ABLIM2: variants seen among roughly 807,000 people sequenced by gnomAD.
ABLIM2 encodes actin binding LIM protein family member 2.
In ABLIM2, 53 loss-of-function variants were observed where a neutral mutation model predicts 97.7. That is an observed-to-expected ratio of 0.54 (90% CI 0.44 to 0.68). ABLIM2 has a LOEUF of 0.68. Among genes scored for constraint, ABLIM2 ranks in the 30% least tolerant of loss-of-function variants. The pLI is 0.00. For missense variants in ABLIM2, 835 were observed against 867.2 expected (o/e 0.96, Z 0.47); for synonymous variants, 361 against 345.8 (o/e 1.04, Z -0.49).
intron 7 of ABLIM2, 73 bp downstream of exon 7, chr4:8,060,894 C>A (rs1802549880): frequency 3.2e-6 from 4 of 1,267,556 alleles, no homozygotes; most frequent in Non-Finnish European, 2.2e-6. Context: ...CTGTTCACAC[C>A]CAGCATGTGT....
intron 16 of ABLIM2, chr4:8,007,115 T>C (rs896303511): frequency 3.0e-6 from 3 of 985,484 alleles, no homozygotes; most frequent in Non-Finnish European, 3.6e-6. Flanking sequence ...ACTTTTCTAC[T>C]TTCATTGTTA....
intron 17 of ABLIM2, among the ~76,000 whole-genome samples, chr4:7,985,506 G>A (rs145719447): frequency 4.6e-5 from 7 of 152,274 alleles, no homozygotes; most frequent in African/African-American, 7.2e-5. Flanking sequence ...GCGGACGCAC[G>A]TGGCTGTGCG....
rs112536542 is a variant in ABLIM2, at chr4:8,003,614, G to A, written c.1618+4445C>T. Among the ~76,000 whole-genome samples, 497 of 146,250 alleles carry A rather than the reference G, an allele frequency of 3.4e-3. 4 individuals carry two copies. Among genetic ancestry groups the A allele is most frequent in the African/African-American group, 0.012 (471 of 39,292 alleles). ...GGAGTCTCGCTCTGTCGCCCAGGCT[G>A]GAGTGCAATGGTGCAATCTCGGCTT... On this transcript the variant is annotated intron_variant, in intron 16 of 20. Coordinates refer to ENST00000447017, the MANE Select transcript of ABLIM2 (RefSeq NM_001130083.2). The surrounding 1 kb of genome is among the most constrained non-coding windows in gnomAD (Gnocchi z 4.2).
intron 1 of ABLIM2, among the ~76,000 whole-genome samples, chr4:8,129,486 T>G (rs2152928681): frequency 6.6e-6 from 1 of 152,366 alleles, no homozygotes; most frequent in Non-Finnish European, 1.5e-5. Flanking sequence ...GGCCAGTAGC[T>G]ACCATATTGT....
intron 1 of ABLIM2, among the ~76,000 whole-genome samples, chr4:8,151,622 A>G (rs1221816130): frequency 6.6e-6 from 1 of 152,090 alleles, no homozygotes; most frequent in African/African-American, 2.4e-5. Context: ...ACACCCAAAC[A>G]GTGGGCGGGG....
Position 8,019,799 on chromosome 4 carries a change from G to T in ABLIM2, c.1370-128C>A. 1 of 924,156 alleles carries T rather than the reference G, an allele frequency of 1.1e-6. No homozygotes were observed. Among genetic ancestry groups the T allele is most frequent in the Non-Finnish European group, 1.7e-6 (1 of 603,740 alleles). 57.2% of individuals were successfully genotyped at this position (924,156 alleles called of 1,614,324 possible). The stretch of plus-strand genomic sequence containing the variant: ...GATTTAGAATCATCAGGCAGGAACT[G>T]GCACCCAGCGAGCGACAGACACCCA... On this transcript the variant is annotated intron_variant, in intron 13 of 20. Coordinates refer to ENST00000447017, the MANE Select transcript of ABLIM2 (RefSeq NM_001130083.2). The surrounding 1 kb of genome is among the most constrained non-coding windows in gnomAD (Gnocchi z 4.3).
chr4:8,008,839 A>G (rs1235953649), intron 15 of ABLIM2, among the ~76,000 whole-genome samples: 2 of 152,166 alleles, frequency 1.3e-5, no homozygotes, highest in Non-Finnish European at 1.5e-5. Context: ...ACCAAGTCAC[A>G]CGGGCATATA....
intron 16 of ABLIM2, among the ~76,000 whole-genome samples, chr4:7,994,754 GCACCTGTTGTTTCCT>G (rs1578170681): frequency 8.6e-6 from 1 of 116,696 alleles, no homozygotes; most frequent in Admixed American, 9.1e-5. Flanking sequence ...ATCCTCTCCA[GCACCTGTTGTTTCCT>G]GACTTCATGT....
At chr4:8,133,239 T>A (rs937567185) in intron 1 of ABLIM2, among the ~76,000 whole-genome samples, 1 of 152,214 alleles carries the variant, frequency 6.6e-6, no homozygotes. Flanking sequence ...CATCCCGCAA[T>A]GACCCTACCA....
Position 8,083,764 on chromosome 4 carries a change from C to A in ABLIM2, c.455-2962G>T, listed in dbSNP as rs538126410. Among the ~76,000 whole-genome samples the A allele has an allele frequency of 2.0e-5, 3 of 152,318 alleles. No homozygotes were observed. The highest frequency in any genetic ancestry group is 4.1e-4 in the South Asian group (2 of 4,830). ...GATGTCCCTAGCAGGGCAGAAGGGGCCCCAGGACCCCCCAATGTCAGCTGG... is the reference window on the plus strand; with the variant it reads ...GATGTCCCTAGCAGGGCAGAAGGGGACCCAGGACCCCCCAATGTCAGCTGG... On this transcript the variant is annotated intron_variant, in intron 4 of 20. Coordinates refer to ENST00000447017, the MANE Select transcript of ABLIM2 (RefSeq NM_001130083.2). The surrounding 1 kb of genome is among the most constrained non-coding windows in gnomAD (Gnocchi z 4.6).
intron 7 of ABLIM2, among the ~76,000 whole-genome samples, chr4:8,055,435 G>C (rs1386962892): frequency 6.7e-6 from 1 of 149,766 alleles, no homozygotes; most frequent in Admixed American, 6.6e-5. Flanking sequence ...CGAGGGGCTG[G>C]CACTGCACTC....
rs13112032 is a variant in ABLIM2, at chr4:8,001,085, C to T, written c.1618+6974G>A. ...TGGAGGCTGTGGCACTGCACAGGTT[C>T]GGGTCCCCTCTCTGAGCCTTGGTGT... On this transcript the variant is annotated intron_variant, in intron 16 of 20. Transcript: ENST00000447017. The surrounding 1 kb of genome is among the most constrained non-coding windows in gnomAD (Gnocchi z 4.2). 1.6e-4 allele frequency among the ~76,000 whole-genome samples: 24 copies of T among 152,194 alleles called. No homozygotes were observed. Among genetic ancestry groups the T allele is most frequent in the African/African-American group, 5.3e-4 (22 of 41,442 alleles).
rs149554138 is a variant in ABLIM2 at position 8,071,467 on chromosome 4, G to A, written c.675+6161C>T. Among the ~76,000 whole-genome samples the A allele has an allele frequency of 1.3e-5, 2 of 152,204 alleles. No individual in the cohort carries two copies. The highest frequency in any genetic ancestry group is 2.4e-5 in the African/African-American group (1 of 41,450). On this transcript the variant is annotated intron_variant, in intron 6 of 20. Coordinates refer to ENST00000447017, the MANE Select transcript of ABLIM2 (RefSeq NM_001130083.2). The surrounding 1 kb of genome is among the most constrained non-coding windows in gnomAD (Gnocchi z 6.2). ...ACTGTCACCACCAAATGCACATTTC[G>A]CGGGCAGGCGGGCACTGCGGGCGCC... is the stretch of plus-strand genomic sequence containing the variant.
At chr4:7,984,754 T>A in intron 18 of ABLIM2, 85 bp downstream of exon 18, 4 of 1,385,912 alleles carry the variant, frequency 2.9e-6, no homozygotes, top group Non-Finnish European at 3.9e-6. Context: ...AGGCTGCGGA[T>A]GGGGTGGTTT....
rs117654987 is a variant in ABLIM2, at chr4:8,130,905, A to G, written c.11-24268T>C. ...GCGGCCTGCATTTCCTGACTTGTGG[A>G]CGGCAAGGTGGCCCCAGGGCTGAGC... On this transcript the variant is annotated intron_variant, in intron 1 of 20. Coordinates refer to ENST00000447017, the MANE Select transcript of ABLIM2 (RefSeq NM_001130083.2). The surrounding 1 kb of genome is among the most constrained non-coding windows in gnomAD (Gnocchi z 4.2). Among the ~76,000 whole-genome samples the G allele has an allele frequency of 6.6e-6, 1 of 152,160 alleles. No homozygotes were observed. The highest frequency in any genetic ancestry group is 1.9e-4 in the East Asian group (1 of 5,170).
At position 8,035,302 on chromosome 4, in the gene ABLIM2, G is replaced by A. The variant is rs573423791; in HGVS notation, c.1047+847C>T. Among the ~76,000 whole-genome samples the A allele has an allele frequency of 1.3e-4, 20 of 152,266 alleles. 1 individual carries two copies. The Middle Eastern group carries it at 0.01, about 78-fold the overall frequency. ...TTGAGCTTGGCAGGTGCACCCAGCA[G>A]CCATGACTTTCTCGCCCCACACCAT... On this transcript the variant is annotated intron_variant, in intron 10 of 20. Transcript: ENST00000447017.
intron 17 of ABLIM2, among the ~76,000 whole-genome samples, chr4:7,990,223 G>A (rs1232523275): frequency 6.6e-6 from 1 of 152,048 alleles, no homozygotes; most frequent in African/African-American, 2.4e-5. Context: ...TTTTTGAGAT[G>A]AAGTCTCGCT....
rs1367499734 is a variant in ABLIM2 at position 8,015,075 on chromosome 4, C to T, written c.1423+4543G>A. On this transcript the variant is annotated intron_variant, in intron 14 of 20. Coordinates refer to ENST00000447017, the MANE Select transcript of ABLIM2 (RefSeq NM_001130083.2). The surrounding 1 kb of genome is among the most constrained non-coding windows in gnomAD (Gnocchi z 4.6). ...AGCTGGGATTACAGGCGCCGGCCACCACACTTGGCTAATTTTTATATTGTT... is the reference window on the plus strand; with the variant it reads ...AGCTGGGATTACAGGCGCCGGCCACTACACTTGGCTAATTTTTATATTGTT... Among the ~76,000 whole-genome samples, 1 of 152,138 alleles carries T rather than the reference C, an allele frequency of 6.6e-6. No homozygotes were observed. The highest frequency in any genetic ancestry group is 6.5e-5 in the Admixed American group (1 of 15,270).
Position 8,005,136 on chromosome 4 carries a change from G to C in ABLIM2, c.1618+2923C>G, listed in dbSNP as rs989865233. On this transcript the variant is annotated intron_variant, in intron 16 of 20. Coordinates refer to ENST00000447017, the MANE Select transcript of ABLIM2 (RefSeq NM_001130083.2). This position sits in a 1 kb window ranked among gnomAD's most constrained non-coding sequence, Gnocchi z 4.9. ...TTGTGGGTGAGATGAGTTTGTGATC[G>C]GGCCCTTGCGAAGCCAAAGAGGTGC... is the stretch of plus-strand genomic sequence containing the variant. Among the ~76,000 whole-genome samples, 1 of 152,202 alleles carries C rather than the reference G, an allele frequency of 6.6e-6. No individual in the cohort carries two copies. Among genetic ancestry groups the C allele is most frequent in the African/African-American group, 2.4e-5 (1 of 41,452 alleles).
Sources: allele counts gnomAD v4.1 joint callset (sites outside exome capture counted in the v4.1 genomes callset), GRCh38; gene constraint gnomAD v4.1.1; non-coding constraint Gnocchi (gnomAD v3.1); transcripts MANE v1.5; gene names NCBI Gene and HGNC (gene_info 2026-07-23, HGNC 2026-07-21).